Variants in ENTPD5 observed in about 807,000 individuals in gnomAD.
ENTPD5 encodes the protein ectonucleoside triphosphate diphosphohydrolase 5 (inactive).
A neutral mutation model predicts 60.2 loss-of-function variants in ENTPD5; 49 were observed. That is an observed-to-expected ratio of 0.81 (90% CI 0.65 to 1.03). The LOEUF is 1.03. ENTPD5 is among the 50% of genes least tolerant of loss of function. ENTPD5 has a pLI of 0.00. For missense variants in ENTPD5, 480 were observed against 507.6 expected, an observed-to-expected ratio of 0.95 and a Z score of 0.52; for synonymous variants, 187 against 185.4, an observed-to-expected ratio of 1.01 and a Z score of -0.07.
rs765192850 is a variant in ENTPD5 at position 73,972,899 on chromosome 14, C to T, written c.1012G>A (p.Asp338Asn). The change falls in exon 13 of 16, where the codon GAC becomes AAC. Residue 338 changes from aspartate (D) to asparagine (N), a missense_variant. Coordinates refer to ENST00000334696, the MANE Select transcript of ENTPD5 (RefSeq NM_001249.5). ...AFSYYYDRAV[D>N]TDMIDYEKGG... ...GTGAACTCACCAATCATGTCTGTGT[C>T]AACAGCTCGGTCATAATAGTAAGAG... The T allele has an allele frequency of 1.2e-6, 2 of 1,614,130 alleles. No individual in the cohort carries two copies. Among genetic ancestry groups the T allele is most frequent in the South Asian group, 2.2e-5 (2 of 91,072 alleles).
intron 9 of ENTPD5, 99 bp downstream of exon 9, chr14:73,976,225 C>G: frequency 9.6e-7 from 1 of 1,045,048 alleles, no homozygotes; most frequent in Non-Finnish European, 1.5e-6. Context: ...TCTGCCTAAG[C>G]GTGGTAGAGC....
intron 6 of ENTPD5, among the ~76,000 whole-genome samples, chr14:73,979,233 A>C (rs2057570604): frequency 6.6e-6 from 1 of 151,880 alleles, no homozygotes; most frequent in African/African-American, 2.4e-5. Context: ...GTCCTATTTA[A>C]AATAGCATTT....
intron 3 of ENTPD5, among the ~76,000 whole-genome samples, chr14:74,004,395 T>G (rs1471966110): frequency 6.6e-6 from 1 of 152,156 alleles, no homozygotes. Context: ...ACTCCTGACC[T>G]CAGGTGATCC....
downstream of ENTPD5, chr14:73,956,066 T>G: frequency 7.9e-7 from 1 of 1,269,732 alleles, no homozygotes; most frequent in East Asian, 2.4e-5. Context: ...GGCTCACGCC[T>G]GTAATCCCAG....
At chr14:73,960,098 T>G (rs956991738), downstream of ENTPD5, 13 of 1,000,848 alleles carry the variant, frequency 1.3e-5, no homozygotes, top group African/African-American at 2.3e-4. Context: ...CTGTAACACT[T>G]GGATTATTTT....
intron 3 of ENTPD5, among the ~76,000 whole-genome samples, chr14:74,004,301 G>C (rs1351662867): frequency 6.6e-6 from 1 of 151,972 alleles, no homozygotes; most frequent in East Asian, 1.9e-4. Context: ...CGAAGTAGCT[G>C]GGACTACAGG....
intron 9 of ENTPD5, 68 bp downstream of exon 9, chr14:73,976,256 C>A: frequency 7.2e-7 from 1 of 1,389,678 alleles, no homozygotes; most frequent in Non-Finnish European, 1.0e-6. Flanking sequence ...AAATGGGGCG[C>A]CTCTTTCTTG....
At chr14:73,977,515 C>G in intron 6 of ENTPD5, 141 bp from the exon 7 acceptor site, 1 of 588,776 alleles carries the variant, frequency 1.7e-6, no homozygotes, top group South Asian at 2.1e-5. Context: ...TTCCTTTGCC[C>G]TAAGAAACTA....
chr14:73,973,817 G>C lies in ENTPD5; in HGVS notation c.886+60C>G. 2.0e-6 allele frequency: 3 copies of C among 1,463,832 alleles called. No individual in the cohort carries two copies. The South Asian group carries it at 3.4e-5, about 17-fold the overall frequency. The allele number at this position is 1,463,832 out of a possible 1,614,324, so 90.7% of individuals were successfully genotyped here. ...TGAGTTCTGGAAAAAGTTTCCCATG[G>C]GACTTTTCCAGAGCTTCCATTGTAA... is the stretch of plus-strand genomic sequence containing the variant. On this transcript the variant is annotated intron_variant, in intron 12 of 15. Coordinates refer to ENST00000334696, the MANE Select transcript of ENTPD5 (RefSeq NM_001249.5).
At position 73,974,957 on chromosome 14, in the gene ENTPD5, T is replaced by C. The variant is rs1165076453; in HGVS notation, c.751A>G (p.Arg251Gly). Reference protein sequence around the residue: ...SYLGFGLKAARLATLGALETE... With the variant: ...SYLGFGLKAAGLATLGALETE... ...TCCAGGGCTCCCAGGGTTGCTAGTC[T>C]TGCAGCTTTCAATCCAAATCCCAGG... The change falls in exon 11 of 16, where the codon AGA (arginine) becomes GGA (glycine). Residue 251 changes from arginine (R) to glycine (G), a missense_variant. By Grantham distance (125) the Arg-to-Gly change is moderately radical (BLOSUM62 -2). Transcript: ENST00000334696. 1.2e-6 allele frequency: 2 copies of C among 1,613,772 alleles called. No homozygotes were observed. Among genetic ancestry groups the C allele is most frequent in the South Asian group, 2.2e-5 (2 of 91,050 alleles).
downstream of ENTPD5, chr14:73,961,368 C>T (rs749725775): frequency 2.5e-6 from 4 of 1,614,212 alleles, no homozygotes; most frequent in Non-Finnish European, 3.4e-6. Flanking sequence ...TCGGGTGGCG[C>T]TCATTGGGTA....
chr14:73,990,821 G>T (rs528087913), intron 3 of ENTPD5, among the ~76,000 whole-genome samples: 11 of 151,954 alleles, frequency 7.2e-5, no homozygotes, highest in African/African-American at 2.7e-4. Context: ...GTAAGGTCAG[G>T]AGTTCGAGAC....
rs769402115 is a variant in ENTPD5 at position 73,988,010 on chromosome 14, C to T, written c.93G>A (p.Glu31=). ...VSHRNQQTWF[E]GIFLSSMCPI... The stretch of plus-strand genomic sequence containing the variant: ...GGCACATGGAAGACAGGAAGATACC[C>T]TCAAACCAAGTCTGCTGGTTCCTGT... The change falls in exon 4 of 16, where the codon GAG becomes GAA. Residue 31 remains glutamate (E), a synonymous_variant. Transcript: ENST00000334696. 1.2e-6 allele frequency: 2 copies of T among 1,614,146 alleles called. No homozygotes were observed. Among genetic ancestry groups the T allele is most frequent in the South Asian group, 1.1e-5 (1 of 91,066 alleles).
intron 8 of ENTPD5, 116 bp downstream of exon 8, chr14:73,976,908 C>A (rs763305447): frequency 6.0e-5 from 59 of 982,702 alleles, no homozygotes; most frequent in African/African-American, 9.9e-5. Flanking sequence ...CACCCAGCCT[C>A]TTTTCCTTTT....
At chr14:73,973,075 G>A in intron 12 of ENTPD5, 51 bp from the exon 13 acceptor site, 1 of 1,603,630 alleles carries the variant, frequency 6.2e-7, no homozygotes, top group Non-Finnish European at 8.5e-7. Flanking sequence ...CTGGGGGAAG[G>A]GGACACTCTC....
chr14:73,956,921 ATATAT>A (rs1358621923), downstream of ENTPD5: 1 of 152,072 alleles, frequency 6.6e-6, no homozygotes, highest in Non-Finnish European at 1.5e-5. Flanking sequence ...TTGTTCCATA[ATATAT>A]TGGGTCATAT....
In ENTPD5 at chr14:73,964,041, CTGTG is replaced by C. The variant is rs2056873432; in HGVS notation, c.*2883_*2886del. 6.6e-6 allele frequency: 1 copy of C among 152,162 alleles called. No homozygotes were observed. Among genetic ancestry groups the C allele is most frequent in the Admixed American group, 6.5e-5 (1 of 15,280 alleles). 9.4% of individuals were successfully genotyped at this position (152,162 alleles called of 1,614,324 possible). A position where few individuals can be genotyped will look rare whatever the true frequency, so the allele number is the denominator to read the frequency against. ...TAAAGATGGCAGCTGCTGTGAAAAGCTGTGTGACTCCTGGCGGAGACTGCAGGGA... is the reference window on the plus strand; with the variant it reads ...TAAAGATGGCAGCTGCTGTGAAAAGCTGACTCCTGGCGGAGACTGCAGGGA... On this transcript the variant is annotated 3_prime_UTR_variant, in exon 16 of 16. Coordinates refer to ENST00000334696, the MANE Select transcript of ENTPD5 (RefSeq NM_001249.5).
At chr14:74,019,225 G>T (rs2140913936) in intron 1 of ENTPD5, 25 bp downstream of exon 1, 1 of 173,076 alleles carries the variant, frequency 5.8e-6, no homozygotes, top group Admixed American at 6.5e-5. Context: ...AGAGGATCCG[G>T]CGCCGCCGAC....
chr14:73,999,450 T>G (rs1566756653), intron 3 of ENTPD5, among the ~76,000 whole-genome samples: 1 of 151,082 alleles, frequency 6.6e-6, no homozygotes, highest in Admixed American at 6.6e-5. Flanking sequence ...ATCACAGGAT[T>G]GCACCCCAGC....
Sources: allele counts gnomAD v4.1 joint callset (sites outside exome capture counted in the v4.1 genomes callset), GRCh38; gene constraint gnomAD v4.1.1; transcripts MANE v1.5; gene names NCBI Gene and HGNC (gene_info 2026-07-23, HGNC 2026-07-21).